The following CDYL2 variants were observed in gnomAD, a reference collection of about 807,000 sequenced individuals.
CDYL2 encodes the protein chromodomain Y-like protein 2.
A neutral mutation model predicts 49.4 loss-of-function variants in CDYL2; 23 were observed. That is an observed-to-expected ratio of 0.47 (90% CI 0.34 to 0.66). The LOEUF (loss-of-function observed/expected upper bound fraction) is 0.66. Among genes scored for constraint, CDYL2 ranks in the 30% least tolerant of loss-of-function variants. CDYL2 has a pLI of 0.01. For synonymous variants in CDYL2, 360 were observed against 268.8 expected, an observed-to-expected ratio of 1.34 and a Z score of -3.32; for missense variants, 678 against 656.4, an observed-to-expected ratio of 1.03 and a Z score of -0.36.
chr16:80,699,953 C>T (rs1397058940), intron 1 of CDYL2, among the ~76,000 whole-genome samples: 2 of 152,112 alleles, frequency 1.3e-5, no homozygotes, highest in African/African-American at 2.4e-5. Context: ...CCGCAAGCCC[C>T]GCCTCCCTGA....
At chr16:80,617,326 T>C (rs1238887632) in intron 4 of CDYL2, among the ~76,000 whole-genome samples, 1 of 152,188 alleles carries the variant, frequency 6.6e-6, no homozygotes, top group Non-Finnish European at 1.5e-5. Context: ...AGAGAAGAGA[T>C]GGTGGCAGTT....
rs117970526 is a variant in CDYL2 at position 80,773,033 on chromosome 16, T to C, written c.24+31117A>G. Among the ~76,000 whole-genome samples the C allele has an allele frequency of 2.1e-3, 317 of 152,238 alleles. 5 individuals are homozygous for C. Among genetic ancestry groups the C allele is most frequent in the East Asian group, 0.019 (99 of 5,188 alleles). ...ATAAAGGTTATCAGATAGAATTTTT[T>C]AAACCTAACTGTATGCCATTTACAA... On this transcript the variant is annotated intron_variant, in intron 1 of 6. Coordinates refer to ENST00000570137, the MANE Select transcript of CDYL2 (RefSeq NM_152342.4).
chr16:80,639,947 T>C (rs1248846704), intron 2 of CDYL2, among the ~76,000 whole-genome samples: 1 of 152,198 alleles, frequency 6.6e-6, no homozygotes, highest in Non-Finnish European at 1.5e-5. Flanking sequence ...GAATCACTGA[T>C]ATCCCAGTGG....
intron 1 of CDYL2, among the ~76,000 whole-genome samples, chr16:80,795,099 T>C (rs1907730526): frequency 1.3e-5 from 2 of 152,168 alleles, no homozygotes; most frequent in Admixed American, 6.5e-5. Flanking sequence ...TAGGACATAA[T>C]TTTAAGAACA....
Position 80,624,950 on chromosome 16 carries a change from C to T in CDYL2, c.835-4015G>A, listed in dbSNP as rs1907237973. 2.0e-5 allele frequency among the ~76,000 whole-genome samples: 3 copies of T among 151,932 alleles called. No homozygotes were observed. The South Asian group carries it at 6.2e-4, about 32-fold the overall frequency. The stretch of plus-strand genomic sequence containing the variant: ...AACGGAGAGATTAAAGACAAGAATG[C>T]TAAGATTTAAAATTGGTGCTGTAGG... On this transcript the variant is annotated intron_variant, in intron 3 of 6. Coordinates refer to ENST00000570137, the MANE Select transcript of CDYL2 (RefSeq NM_152342.4).
rs751158040 is a variant in CDYL2, at chr16:80,685,004, C to T, written c.150G>A (p.Glu50=). Reference sequence around the variant, plus strand: ...GCAACCCATTGAATTCATCAATAAACTCCTCACAGTGCAAGAGGTGGTGCT... The same window carrying T: ...GCAACCCATTGAATTCATCAATAAATTCCTCACAGTGCAAGAGGTGGTGCT... The part of the protein sequence containing the change: ...EPEHHLLHCE[E]FIDEFNGLHM... The change falls in exon 2 of 7, where the codon GAG becomes GAA. Residue 50 remains glutamate (E), a synonymous_variant. Coordinates refer to ENST00000570137, the MANE Select transcript of CDYL2 (RefSeq NM_152342.4). 2 of 1,614,220 alleles carry T rather than the reference C, an allele frequency of 1.2e-6. No individual in the cohort carries two copies. Among genetic ancestry groups the T allele is most frequent in the East Asian group, 4.5e-5 (2 of 44,888 alleles).
At chr16:80,697,022 G>C (rs1287268013) in intron 1 of CDYL2, among the ~76,000 whole-genome samples, 1 of 152,084 alleles carries the variant, frequency 6.6e-6, no homozygotes, top group Non-Finnish European at 1.5e-5. Flanking sequence ...AAAAAAATAA[G>C]TAAAGTAAAA....
intron 2 of CDYL2, among the ~76,000 whole-genome samples, chr16:80,654,525 T>A (rs1908722152): frequency 6.6e-6 from 1 of 152,234 alleles, no homozygotes; most frequent in Non-Finnish European, 1.5e-5. Flanking sequence ...AGCCCAGCGC[T>A]GCATAACACC....
At position 80,678,713 on chromosome 16, in the gene CDYL2, A is replaced by G. The variant is rs184862768; in HGVS notation, c.616+5825T>C. ...GTGGAAGTCAGTGTGGCGATTCCTC[A>G]GGGATCTAGAACTAGAAATACCATT... On this transcript the variant is annotated intron_variant, in intron 2 of 6. Transcript: ENST00000570137. Among the ~76,000 whole-genome samples, 1,378 of 150,410 alleles carry G rather than the reference A, an allele frequency of 9.2e-3. 29 individuals carry two copies. The highest frequency in any genetic ancestry group is 0.015 in the Non-Finnish European group (993 of 67,518).
intron 1 of CDYL2, among the ~76,000 whole-genome samples, chr16:80,767,832 G>C (rs1597123962): frequency 1.3e-5 from 2 of 152,306 alleles, no homozygotes; most frequent in South Asian, 4.1e-4. Flanking sequence ...GTACGAAAAG[G>C]AGCTGGGGTT....
At chr16:80,674,995 T>C (rs908395964) in intron 2 of CDYL2, among the ~76,000 whole-genome samples, 1 of 152,218 alleles carries the variant, frequency 6.6e-6, no homozygotes, top group African/African-American at 2.4e-5. Flanking sequence ...TGCATGTGTA[T>C]GTACATGCAT....
intron 2 of CDYL2, among the ~76,000 whole-genome samples, chr16:80,673,936 C>G (rs1235807767): frequency 6.6e-6 from 1 of 152,194 alleles, no homozygotes; most frequent in Non-Finnish European, 1.5e-5. Flanking sequence ...AGATGAGGGA[C>G]CACGAGCCGA....
At chr16:80,756,998 A>T (rs138661577) in intron 1 of CDYL2, among the ~76,000 whole-genome samples, 3 of 152,334 alleles carry the variant, frequency 2.0e-5, no homozygotes, top group African/African-American at 7.2e-5. Context: ...ACTTATGGTG[A>T]TGTAATAATG....
intron 1 of CDYL2, among the ~76,000 whole-genome samples, chr16:80,721,578 G>A (rs190092453): frequency 6.6e-6 from 1 of 152,186 alleles, no homozygotes; most frequent in Non-Finnish European, 1.5e-5. Flanking sequence ...CCAAGCTGCT[G>A]GTGACCACTT....
intron 1 of CDYL2, among the ~76,000 whole-genome samples, chr16:80,699,230 A>T (rs1453204913): frequency 1.3e-5 from 2 of 152,236 alleles, no homozygotes; most frequent in Non-Finnish European, 2.9e-5. Context: ...AGCACTATTC[A>T]TAATAGTCAA....
At chr16:80,729,297 A>C (rs997164818) in intron 1 of CDYL2, among the ~76,000 whole-genome samples, 6 of 151,866 alleles carry the variant, frequency 4.0e-5, no homozygotes, top group Non-Finnish European at 8.9e-5. Flanking sequence ...CAGGGGTTGC[A>C]ATCCTAGTCT....
rs552687741 is a variant in CDYL2 at position 80,705,350 on chromosome 16, A to G, written c.25-20221T>C. ...GGCCAAAGGCCACTTTTGAAGAACT[A>G]TGAGCGATGCTAGAGTCCTAATGTC... On this transcript the variant is annotated intron_variant, in intron 1 of 6. Transcript: ENST00000570137. Among the ~76,000 whole-genome samples, 6 of 152,366 alleles carry G rather than the reference A, an allele frequency of 3.9e-5. No homozygotes were observed. In the East Asian group the frequency reaches 1.2e-3, roughly 29 times the overall value.
At chr16:80,723,086 A>C (rs1318062064) in intron 1 of CDYL2, among the ~76,000 whole-genome samples, 1 of 152,172 alleles carries the variant, frequency 6.6e-6, no homozygotes, top group Non-Finnish European at 1.5e-5. Flanking sequence ...GTCCCTGTGG[A>C]CTATGTACCC....
chr16:80,707,401 C>T (rs1287373157), intron 1 of CDYL2, among the ~76,000 whole-genome samples: 1 of 152,066 alleles, frequency 6.6e-6, no homozygotes, highest in Non-Finnish European at 1.5e-5. Context: ...ATCAAAGCTG[C>T]AGTAAGCTAC....
Sources: allele counts gnomAD v4.1 joint callset (sites outside exome capture counted in the v4.1 genomes callset), GRCh38; gene constraint gnomAD v4.1.1; transcripts MANE v1.5; gene names NCBI Gene and HGNC (gene_info 2026-07-23, HGNC 2026-07-21).